The following PRKD1 variants were observed in gnomAD, a reference collection of about 807,000 sequenced individuals.
PRKD1 encodes protein kinase D1.
Under a neutral mutation model 95.9 loss-of-function variants are expected in PRKD1, and 63 were observed. The ratio of observed to expected loss-of-function variants is 0.66; its 90% CI spans 0.54 to 0.81. The LOEUF (loss-of-function observed/expected upper bound fraction) is 0.81. PRKD1 is among the 30% of genes least tolerant of loss of function. The pLI is 0.00. For synonymous variants in PRKD1, 425 were observed against 423.1 expected (o/e 1.00, Z -0.05); for missense variants, 1,048 against 1,165.3 (o/e 0.90, Z 1.47).
At chr14:29,795,233 AT>A (rs1889762037) in intron 1 of PRKD1, among the ~76,000 whole-genome samples, 1 of 152,138 alleles carries the variant, frequency 6.6e-6, no homozygotes, top group Admixed American at 6.5e-5. Flanking sequence ...AATCAAGAAA[AT>A]GTCACATCTA....
chr14:29,594,942 T>C (rs952158744), intron 16 of PRKD1, among the ~76,000 whole-genome samples: 8 of 152,116 alleles, frequency 5.3e-5, no homozygotes, highest in African/African-American at 1.9e-4. Context: ...TTAACTAACT[T>C]TTCTCTATAT....
chr14:29,660,436 G>C (rs927552456), intron 4 of PRKD1, among the ~76,000 whole-genome samples: 1 of 152,146 alleles, frequency 6.6e-6, no homozygotes, highest in Admixed American at 6.5e-5. Context: ...CATTGTAGGA[G>C]GCTGCCCTGT....
intron 13 of PRKD1, among the ~76,000 whole-genome samples, chr14:29,609,506 G>GCACGCACACA (rs1555327741): frequency 4.7e-5 from 6 of 127,428 alleles, no homozygotes; most frequent in Admixed American, 1.6e-4. Context: ...GTGTGTGCGT[G>GCACGCACACA]CACACACACA....
chr14:29,881,714 T>C (rs1462946450), intron 1 of PRKD1, among the ~76,000 whole-genome samples: 1 of 152,176 alleles, frequency 6.6e-6, no homozygotes, highest in Non-Finnish European at 1.5e-5. Context: ...TTCACTTGGC[T>C]TATTCTTCCT....
In PRKD1 at chr14:29,643,046, A is replaced by G. The variant is rs564018134; in HGVS notation, c.697-4142T>C. 3.2e-4 allele frequency among the ~76,000 whole-genome samples: 49 copies of G among 152,208 alleles called. 1 individual carries two copies. Among genetic ancestry groups the G allele is most frequent in the African/African-American group, 1.1e-3 (44 of 41,566 alleles). Reference sequence around the variant, plus strand: ...GAGCACATTTAAAATTTCGTTTTTTATAACTATGGGCAACACATATAAGAG... The same window carrying G: ...GAGCACATTTAAAATTTCGTTTTTTGTAACTATGGGCAACACATATAAGAG... On this transcript the variant is annotated intron_variant, in intron 4 of 17. Transcript: ENST00000331968.
chr14:29,834,976 G>A (rs937316675), intron 1 of PRKD1, among the ~76,000 whole-genome samples: 36 of 151,870 alleles, frequency 2.4e-4, no homozygotes, highest in African/African-American at 8.5e-4. Context: ...GAGTTGCATA[G>A]TGCTGAGACC....
intron 13 of PRKD1, among the ~76,000 whole-genome samples, chr14:29,604,934 C>T (rs374778558): frequency 6.2e-4 from 94 of 152,274 alleles, no homozygotes; most frequent in African/African-American, 2.1e-3. Flanking sequence ...CAAACTTATT[C>T]TTCTAGTATT....
intron 1 of PRKD1, among the ~76,000 whole-genome samples, chr14:29,870,745 G>A (rs1026238059): frequency 6.6e-6 from 1 of 151,952 alleles, no homozygotes; most frequent in Non-Finnish European, 1.5e-5. Flanking sequence ...TCTATTATAT[G>A]GTTATAAATG....
intron 2 of PRKD1, among the ~76,000 whole-genome samples, chr14:29,692,946 G>C (rs1056727252): frequency 2.6e-5 from 4 of 152,184 alleles, no homozygotes; most frequent in African/African-American, 9.6e-5. Context: ...ATATAAAGAA[G>C]TGAAGTATAG....
chr14:29,841,441 T>C (rs1053578617), intron 1 of PRKD1, among the ~76,000 whole-genome samples: 15 of 152,058 alleles, frequency 9.9e-5, no homozygotes, highest in African/African-American at 3.1e-4. Flanking sequence ...GAAGAACCCA[T>C]TGGGGGGTTA....
chr14:29,652,011 G>C (rs749565929), intron 4 of PRKD1, among the ~76,000 whole-genome samples: 8 of 152,204 alleles, frequency 5.3e-5, no homozygotes, highest in African/African-American at 7.2e-5. Flanking sequence ...CTCCCAAAGT[G>C]TTGGGATTAT....
chr14:29,650,090 C>T (rs975458108), intron 4 of PRKD1, among the ~76,000 whole-genome samples: 7 of 152,120 alleles, frequency 4.6e-5, no homozygotes, highest in Admixed American at 3.9e-4. Context: ...GGTGGTGAGC[C>T]ACTCTCGCCA....
At chr14:29,610,679 T>G (rs1298909042) in intron 13 of PRKD1, among the ~76,000 whole-genome samples, 2 of 152,236 alleles carry the variant, frequency 1.3e-5, no homozygotes, top group African/African-American at 4.8e-5. Context: ...CAAAGAAGTT[T>G]AAAACTTACG....
chr14:29,856,200 C>G (rs1892494832), intron 1 of PRKD1, among the ~76,000 whole-genome samples: 1 of 152,104 alleles, frequency 6.6e-6, no homozygotes, highest in Admixed American at 6.5e-5. Context: ...TAGGTACCAG[C>G]CTATGCAGTC....
At chr14:29,791,860 T>C (rs531019944) in intron 1 of PRKD1, among the ~76,000 whole-genome samples, 37 of 152,232 alleles carry the variant, frequency 2.4e-4, no homozygotes, top group Non-Finnish European at 4.4e-4. Context: ...TACTCAGGAT[T>C]GGAATAGCTG....
intron 1 of PRKD1, among the ~76,000 whole-genome samples, chr14:29,779,097 C>T (rs1263208475): frequency 2.6e-5 from 4 of 152,102 alleles, no homozygotes; most frequent in Admixed American, 6.5e-5. Flanking sequence ...GCCCTTCATG[C>T]TAAAAACTCT....
chr14:29,601,253 G>A (rs1314435663), intron 13 of PRKD1, among the ~76,000 whole-genome samples: 1 of 152,158 alleles, frequency 6.6e-6, no homozygotes. Flanking sequence ...GCATCAACTG[G>A]ATATAGAACC....
chr14:29,624,411 T>C (rs1879480918), intron 12 of PRKD1, among the ~76,000 whole-genome samples, 153 bp from the exon 13 acceptor site: 1 of 151,762 alleles, frequency 6.6e-6, no homozygotes, highest in South Asian at 2.1e-4. Flanking sequence ...TATATATATA[T>C]AAAGATTTCA....
At position 29,726,787 on chromosome 14, in the gene PRKD1, T is replaced by TAA. The variant is rs796753846; in HGVS notation, c.265-1115_265-1114dup. ...TGTCACTTAGTAAAGTTAACTTCCT[T>TAA]AAAAAAAAAAAACACAACAGCTGAA... On this transcript the variant is annotated intron_variant, in intron 1 of 17. Coordinates refer to ENST00000331968, the MANE Select transcript of PRKD1 (RefSeq NM_002742.3). 6.7e-3 allele frequency among the ~76,000 whole-genome samples: 945 copies of TAA among 141,324 alleles called. 3 individuals carry two copies. Among genetic ancestry groups the TAA allele is most frequent in the African/African-American group, 0.023 (887 of 38,748 alleles). The allele number at this position is 141,324 out of a possible 152,430, so 92.7% of individuals were successfully genotyped here.
Sources: allele counts gnomAD v4.1 joint callset (sites outside exome capture counted in the v4.1 genomes callset), GRCh38; gene constraint gnomAD v4.1.1; transcripts MANE v1.5; gene names NCBI Gene and HGNC (gene_info 2026-07-23, HGNC 2026-07-21).